Variants in NALF1 observed in about 807,000 individuals in gnomAD.
NALF1 encodes NALCN channel auxiliary factor 1, also known as family with sequence similarity 155 member A.
Under a neutral mutation model 48.4 loss-of-function variants are expected in NALF1, and 3 were observed. The ratio of observed to expected loss-of-function variants is 0.06; its 90% CI spans 0.03 to 0.16. NALF1 has a LOEUF of 0.16. Ranked by LOEUF, NALF1 falls within the 10% of genes least tolerant of loss-of-function variation. The pLI is 1.00. For missense variants in NALF1, 526 were observed against 571.5 expected (o/e 0.92, Z 0.81); for synonymous variants, 262 against 245.7 (o/e 1.07, Z -0.62).
intron 1 of NALF1, among the ~76,000 whole-genome samples, chr13:107,819,142 AC>A (rs1879277861): frequency 6.6e-6 from 1 of 152,232 alleles, no homozygotes; most frequent in African/African-American, 2.4e-5. Context: ...CCTCAGCTTA[AC>A]CTGATGTCTT....
At chr13:107,828,916 T>A (rs1879617370) in intron 1 of NALF1, among the ~76,000 whole-genome samples, 1 of 152,150 alleles carries the variant, frequency 6.6e-6, no homozygotes, top group African/African-American at 2.4e-5. Flanking sequence ...ACATGAATCA[T>A]TACCTGGACA....
intron 2 of NALF1, among the ~76,000 whole-genome samples, chr13:107,204,485 A>G (rs1879593775): frequency 6.6e-6 from 1 of 152,146 alleles, no homozygotes; most frequent in Non-Finnish European, 1.5e-5. Context: ...AGACATCCTA[A>G]TTCCTCCTCT....
At chr13:107,442,240 C>T (rs1224491782) in intron 1 of NALF1, among the ~76,000 whole-genome samples, 1 of 152,064 alleles carries the variant, frequency 6.6e-6, no homozygotes, top group Non-Finnish European at 1.5e-5. Context: ...GCCCAGAGAT[C>T]CTAGCAAGAT....
chr13:107,487,176 A>T (rs1032734719), intron 1 of NALF1, among the ~76,000 whole-genome samples: 2 of 152,150 alleles, frequency 1.3e-5, no homozygotes, highest in Non-Finnish European at 2.9e-5. Context: ...GCCACAACAC[A>T]TACAATGTCT....
chr13:107,174,874 C>CTTTTCT (rs898798272), intron 2 of NALF1, among the ~76,000 whole-genome samples: 7 of 151,246 alleles, frequency 4.6e-5, no homozygotes, highest in East Asian at 2.0e-4. Context: ...GATCAACAAT[C>CTTTTCT]TTTTCTTTTT....
chr13:107,503,768 T>G (rs966234398), intron 1 of NALF1, among the ~76,000 whole-genome samples: 2 of 151,132 alleles, frequency 1.3e-5, no homozygotes, highest in African/African-American at 4.9e-5. Flanking sequence ...TGTGTGTGTG[T>G]GTGTGTGTGT....
intron 1 of NALF1, among the ~76,000 whole-genome samples, chr13:107,282,969 T>C (rs147250838): frequency 1.6e-4 from 25 of 152,362 alleles, no homozygotes; most frequent in African/African-American, 5.8e-4. Flanking sequence ...TTAAAAGTTA[T>C]ACTCGTCAGA....
chr13:107,255,544 G>A (rs1405938983), intron 1 of NALF1, among the ~76,000 whole-genome samples: 2 of 151,064 alleles, frequency 1.3e-5, no homozygotes, highest in African/African-American at 4.9e-5. Flanking sequence ...AAGGAGCAAG[G>A]ATAATCAATC....
At chr13:107,635,035 T>C (rs1048562404) in intron 1 of NALF1, among the ~76,000 whole-genome samples, 2 of 152,118 alleles carry the variant, frequency 1.3e-5, no homozygotes, top group Non-Finnish European at 2.9e-5. Context: ...TCACAAGCAT[T>C]AGTACACACA....
In NALF1 at chr13:107,164,955, T is replaced by C. The variant is rs942884693; in HGVS notation, c.*5542A>G. 30 of 152,136 alleles carry C rather than the reference T, an allele frequency of 2.0e-4. No individual in the cohort carries two copies. Among genetic ancestry groups the C allele is most frequent in the African/African-American group, 7.0e-4 (29 of 41,450 alleles). The allele number at this position is 152,136 out of a possible 1,614,324, so 9.4% of individuals were successfully genotyped here. On this transcript the variant is annotated 3_prime_UTR_variant, in exon 3 of 3. Transcript: ENST00000375915. ...CACCTGTTTTGTCCAGGCACATTTA[T>C]ATTACTTATCTCTTTTAAGCCTCCA...
chr13:107,399,455 T>TACAC (rs35237023), intron 1 of NALF1, among the ~76,000 whole-genome samples: 71,966 of 150,940 alleles, frequency 0.48, 17,158 homozygotes, highest in Admixed American at 0.51. Flanking sequence ...CACATTCACG[T>TACAC]ACACACACAC....
intron 1 of NALF1, among the ~76,000 whole-genome samples, chr13:107,571,831 G>A (rs1451987813): frequency 2.0e-5 from 3 of 152,288 alleles, no homozygotes; most frequent in East Asian, 3.9e-4. Flanking sequence ...ATTGCTTGGT[G>A]TGCAAATAAC....
At chr13:107,594,712 C>T (rs920680339) in intron 1 of NALF1, among the ~76,000 whole-genome samples, 2 of 151,914 alleles carry the variant, frequency 1.3e-5, no homozygotes, top group Non-Finnish European at 2.9e-5. Context: ...ATTTGAGTGA[C>T]CCAAAATCAA....
At chr13:107,729,037 G>T (rs866936660) in intron 1 of NALF1, among the ~76,000 whole-genome samples, 2 of 152,196 alleles carry the variant, frequency 1.3e-5, no homozygotes, top group Middle Eastern at 3.4e-3. Context: ...ACTTTTTAGG[G>T]GAAGCAGCGA....
intron 1 of NALF1, among the ~76,000 whole-genome samples, chr13:107,815,599 C>CA (rs1384000568): frequency 6.6e-6 from 1 of 152,072 alleles, no homozygotes; most frequent in Non-Finnish European, 1.5e-5. Flanking sequence ...CTGAAATAGT[C>CA]AGAGTTTCCA....
intron 1 of NALF1, among the ~76,000 whole-genome samples, chr13:107,348,493 G>A (rs990648491): frequency 6.6e-6 from 1 of 151,970 alleles, no homozygotes; most frequent in South Asian, 2.1e-4. Context: ...TGTTACATAG[G>A]TATACATGTG....
At chr13:107,552,327 A>C (rs1877316716) in intron 1 of NALF1, among the ~76,000 whole-genome samples, 1 of 152,184 alleles carries the variant, frequency 6.6e-6, no homozygotes, top group Non-Finnish European at 1.5e-5. Flanking sequence ...TGTGTCAATA[A>C]ATATACCTCA....
intron 1 of NALF1, among the ~76,000 whole-genome samples, chr13:107,706,477 T>C (rs1438743424): frequency 1.3e-5 from 2 of 152,232 alleles, no homozygotes; most frequent in African/African-American, 4.8e-5. Context: ...TATTCTAAAG[T>C]AGATTTTCTT....
intron 1 of NALF1, among the ~76,000 whole-genome samples, chr13:107,313,985 C>T (rs1882094921): frequency 6.6e-6 from 1 of 152,132 alleles, no homozygotes. Context: ...GCGTCCTTAA[C>T]CTTGGCAAGA....
Sources: allele counts gnomAD v4.1 joint callset (sites outside exome capture counted in the v4.1 genomes callset), GRCh38; gene constraint gnomAD v4.1.1; transcripts MANE v1.5; gene names NCBI Gene and HGNC (gene_info 2026-07-23, HGNC 2026-07-21).